Variants in TMPRSS7 observed in about 807,000 individuals in gnomAD.
TMPRSS7 encodes the protein transmembrane serine protease 7.
In TMPRSS7, 81 loss-of-function variants were observed where a neutral mutation model predicts 95.6. That is an observed-to-expected ratio of 0.85 (90% confidence interval 0.71 to 1.02). The LOEUF (loss-of-function observed/expected upper bound fraction) is 1.02. Among genes scored for constraint, TMPRSS7 ranks in the 50% least tolerant of loss-of-function variants. The probability of loss-of-function intolerance (pLI) is 0.00; values close to 1 mark genes in which losing one functional copy is unlikely to be tolerated. For synonymous variants in TMPRSS7, 364 were observed against 337.8 expected (o/e 1.08, Z -0.85); for missense variants, 945 against 955.2 (o/e 0.99, Z 0.14).
At chr3:112,065,349 T>A (rs2073562613) in intron 12 of TMPRSS7, among the ~76,000 whole-genome samples, 4 of 152,238 alleles carry the variant, frequency 2.6e-5, no homozygotes, top group African/African-American at 7.2e-5. Flanking sequence ...GTTTATACCT[T>A]ATTTTTTTAA....
At chr3:112,058,354 C>G (rs146072415) in intron 10 of TMPRSS7, among the ~76,000 whole-genome samples, 1 of 152,246 alleles carries the variant, frequency 6.6e-6, no homozygotes, top group African/African-American at 2.4e-5. Flanking sequence ...TTGTGGGAGT[C>G]AGAAGACCTG....
At chr3:112,043,456 GA>G (rs200200807) in intron 3 of TMPRSS7, among the ~76,000 whole-genome samples, 9 of 148,730 alleles carry the variant, frequency 6.1e-5, no homozygotes, top group Middle Eastern at 3.5e-3. Flanking sequence ...AAAAGAAAAA[GA>G]AAAAAAAAAT....
chr3:112,041,077 CA>C (rs35859400), intron 2 of TMPRSS7, among the ~76,000 whole-genome samples: 1,253 of 122,924 alleles, frequency 0.01, 12 homozygotes, highest in African/African-American at 0.026. Flanking sequence ...AGTCTGCAAC[CA>C]AAAAAAAAAA....
At chr3:112,040,195 C>T (rs1363192681) in intron 2 of TMPRSS7, among the ~76,000 whole-genome samples, 6 of 152,158 alleles carry the variant, frequency 3.9e-5, no homozygotes, top group Non-Finnish European at 8.8e-5. Flanking sequence ...CACTTATATG[C>T]ACATAAATTG....
chr3:112,061,002 G>C (rs60361907), intron 10 of TMPRSS7, among the ~76,000 whole-genome samples: 6,480 of 152,118 alleles, frequency 0.043, 422 homozygotes, highest in African/African-American at 0.14. Context: ...TCCATTCAGG[G>C]TCCCTGACTT....
At chr3:112,039,722 C>T (rs2073185454) in intron 2 of TMPRSS7, 1 of 152,204 alleles carries the variant, frequency 6.6e-6, no homozygotes, top group East Asian at 1.9e-4. Flanking sequence ...GGCTGCTCAT[C>T]TGTATCCTTT....
chr3:112,037,716 A>T (rs1176083032), intron 1 of TMPRSS7, among the ~76,000 whole-genome samples: 3 of 151,916 alleles, frequency 2.0e-5, no homozygotes, highest in Non-Finnish European at 4.4e-5. Flanking sequence ...TTCCCCGGAC[A>T]CCCAGCTTTA....
intron 12 of TMPRSS7, among the ~76,000 whole-genome samples, chr3:112,065,402 T>C (rs2073563516): frequency 6.6e-6 from 1 of 152,244 alleles, no homozygotes; most frequent in African/African-American, 2.4e-5. Flanking sequence ...TTATGGTTCA[T>C]TGATTATTTA....
In TMPRSS7 at chr3:112,064,809, C is replaced by T. The variant is rs185808319; in HGVS notation, c.1555+1177C>T. 3.2e-3 allele frequency among the ~76,000 whole-genome samples: 485 copies of T among 152,174 alleles called. 3 individuals are homozygous for T. Among genetic ancestry groups the T allele is most frequent in the African/African-American group, 0.011 (459 of 41,528 alleles). On this transcript the variant is annotated intron_variant, in intron 12 of 17. Transcript: ENST00000452346. Reference sequence around the variant, plus strand: ...CTTAATTTTTCATGACTATTTGTACCTCATTCTTGAATCTATCTCTAGTTT... The same window carrying T: ...CTTAATTTTTCATGACTATTTGTACTTCATTCTTGAATCTATCTCTAGTTT...
intron 10 of TMPRSS7, among the ~76,000 whole-genome samples, chr3:112,058,580 T>C (rs2073461546): frequency 6.6e-6 from 1 of 152,230 alleles, no homozygotes; most frequent in South Asian, 2.1e-4. Flanking sequence ...ATGACACTTG[T>C]TGGATAAATA....
At chr3:112,035,951 C>T (rs2073147456) in intron 1 of TMPRSS7, among the ~76,000 whole-genome samples, 1 of 152,112 alleles carries the variant, frequency 6.6e-6, no homozygotes, top group South Asian at 2.1e-4. Context: ...GAAACTGTGG[C>T]TGGCAATGGC....
At chr3:112,066,845 T>C (rs2073582766) in intron 13 of TMPRSS7, among the ~76,000 whole-genome samples, 1 of 152,228 alleles carries the variant, frequency 6.6e-6, no homozygotes, top group South Asian at 2.1e-4. Context: ...TTTTAAATTA[T>C]TATACTTTAA....
chr3:112,067,577 C>A (rs1380085958), intron 13 of TMPRSS7, among the ~76,000 whole-genome samples: 1 of 152,170 alleles, frequency 6.6e-6, no homozygotes, highest in Non-Finnish European at 1.5e-5. Context: ...TCTCTGATGA[C>A]CAGTGATGAT....
intron 13 of TMPRSS7, among the ~76,000 whole-genome samples, chr3:112,072,582 G>T (rs529312694): frequency 1.2e-4 from 19 of 152,382 alleles, no homozygotes; most frequent in Middle Eastern, 6.8e-3. Context: ...CAGAGGTGGA[G>T]TCTATAGGGG....
chr3:112,081,157 G>A lies in TMPRSS7; in HGVS notation c.*73G>A. ...TTAAAATGATGCAGTAATTGGCTGGGTGCGCTGGCTCACACCTGTAATCCC... is the reference window on the plus strand; with the variant it reads ...TTAAAATGATGCAGTAATTGGCTGGATGCGCTGGCTCACACCTGTAATCCC... On this transcript the variant is annotated 3_prime_UTR_variant, in exon 18 of 18. Coordinates refer to ENST00000452346, the Ensembl canonical transcript of TMPRSS7. 2.7e-6 allele frequency: 4 copies of A among 1,469,688 alleles called. No homozygotes were observed. In the South Asian group the frequency reaches 5.4e-5, roughly 20 times the overall value. 91.0% of individuals were successfully genotyped at this position (1,469,688 alleles called of 1,614,324 possible). A position where few individuals can be genotyped will look rare whatever the true frequency, so the allele number is the denominator to read the frequency against.
chr3:112,040,905 T>C (rs1215565738), intron 2 of TMPRSS7, among the ~76,000 whole-genome samples: 2 of 152,166 alleles, frequency 1.3e-5, no homozygotes, highest in African/African-American at 2.4e-5. Context: ...GAGGATCTTG[T>C]ACATTAGGCT....
chr3:112,077,903 C>T (rs2073732124), intron 16 of TMPRSS7, among the ~76,000 whole-genome samples: 1 of 152,108 alleles, frequency 6.6e-6, no homozygotes, highest in East Asian at 1.9e-4. Context: ...TAATATTTTC[C>T]CTTGATCTTT....
intron 9 of TMPRSS7, among the ~76,000 whole-genome samples, chr3:112,053,565 G>A (rs555850376): frequency 6.6e-6 from 1 of 152,208 alleles, no homozygotes. Flanking sequence ...AACCAAAAAA[G>A]GGTGTTGAGT....
chr3:112,077,240 T>C (rs1294539588), intron 16 of TMPRSS7, 96 bp downstream of exon 16: 20 of 1,381,264 alleles, frequency 1.4e-5, no homozygotes, highest in Admixed American at 2.1e-5. Context: ...TTTGTGTATA[T>C]GATCTCCTTT....
Sources: gnomAD v4.1 joint callset for allele counts (sites outside exome capture counted in the v4.1 genomes callset) on GRCh38, gnomAD v4.1.1 for gene constraint, MANE v1.5 for transcripts, NCBI Gene and HGNC (gene_info 2026-07-23, HGNC 2026-07-21) for gene names.